ITGA9: variants seen among roughly 807,000 people sequenced by gnomAD.
The protein encoded by ITGA9 is integrin subunit alpha 9.
In ITGA9, 56 loss-of-function variants were observed where a neutral mutation model predicts 127.8. The observed-to-expected ratio is 0.44, with a 90% CI of 0.35 to 0.55. The LOEUF is 0.55. ITGA9 is among the 20% of genes least tolerant of loss of function. The pLI is 0.00. For synonymous variants in ITGA9, 508 were observed against 514.5 expected (o/e 0.99, Z 0.17); for missense variants, 1,196 against 1,347.1 (o/e 0.89, Z 1.76).
At chr3:37,555,464 A>T (rs1699421688) in intron 15 of ITGA9, among the ~76,000 whole-genome samples, 1 of 152,252 alleles carries the variant, frequency 6.6e-6, no homozygotes, top group Non-Finnish European at 1.5e-5. Context: ...AATTAATATA[A>T]ATTCAAACTG....
chr3:37,693,330 G>C (rs1236005403), intron 18 of ITGA9, among the ~76,000 whole-genome samples: 3 of 152,156 alleles, frequency 2.0e-5, no homozygotes, highest in Non-Finnish European at 4.4e-5. Flanking sequence ...AGTATAATTT[G>C]AGTTCCAAAT....
chr3:37,455,954 G>C (rs1212170826), intron 1 of ITGA9, among the ~76,000 whole-genome samples: 1 of 152,156 alleles, frequency 6.6e-6, no homozygotes, highest in African/African-American at 2.4e-5. Context: ...TCCCATAACT[G>C]AGCATTTCTC....
intron 3 of ITGA9, among the ~76,000 whole-genome samples, chr3:37,477,771 T>G (rs569613580): frequency 6.6e-6 from 1 of 152,228 alleles, no homozygotes; most frequent in Non-Finnish European, 1.5e-5. Flanking sequence ...CCCCTTTTCA[T>G]CAGACTTGCC....
At chr3:37,643,512 A>ATT (rs34331410) in intron 16 of ITGA9, among the ~76,000 whole-genome samples, 57,727 of 151,906 alleles carry the variant, frequency 0.38, 11,772 homozygotes, top group African/African-American at 0.53. Context: ...TATTTTTGCA[A>ATT]TTTGTGGGGG....
At chr3:37,615,018 G>A (rs1700060292) in intron 15 of ITGA9, among the ~76,000 whole-genome samples, 1 of 152,200 alleles carries the variant, frequency 6.6e-6, no homozygotes, top group Admixed American at 6.5e-5. Context: ...TAGGAGTGGT[G>A]GGAGAGGGCA....
At chr3:37,676,523 A>T (rs1163158773) in intron 17 of ITGA9, among the ~76,000 whole-genome samples, 1 of 152,222 alleles carries the variant, frequency 6.6e-6, no homozygotes, top group East Asian at 1.9e-4. Context: ...GGCCTGCAGA[A>T]AAAAGCCCTC....
At position 37,779,975 on chromosome 3, in the gene ITGA9, G is replaced by T; in HGVS notation, c.2741G>T (p.Arg914Leu). The change falls in exon 25 of 28, where the codon CGT (arginine) becomes CTT (leucine). Residue 914 changes from arginine (R) to leucine (L), a missense_variant. Physicochemically the swap from Arg to Leu is moderately radical, Grantham distance 102. Transcript: ENST00000264741. The part of the protein sequence containing the change: ...NFSALAKEES[R>L]TIDIYMLLNT... ...AGTGCTCTTGCTAAAGAAGAAAGTCGTACTATAGACATTTACATGCTGCTG... is the reference window on the plus strand; with the variant it reads ...AGTGCTCTTGCTAAAGAAGAAAGTCTTACTATAGACATTTACATGCTGCTG... The T allele has an allele frequency of 6.2e-7, 1 of 1,613,936 alleles. No homozygotes were observed. The highest frequency in any genetic ancestry group is 1.7e-5 in the Admixed American group (1 of 60,018).
At chr3:37,555,618 A>G (rs1699423367) in intron 15 of ITGA9, among the ~76,000 whole-genome samples, 1 of 152,226 alleles carries the variant, frequency 6.6e-6, no homozygotes, top group South Asian at 2.1e-4. Context: ...GGCACTAGTC[A>G]CACAGATCAA....
intron 17 of ITGA9, among the ~76,000 whole-genome samples, chr3:37,664,971 C>CTT (rs34608197): frequency 3.0e-4 from 37 of 122,528 alleles, no homozygotes; most frequent in African/African-American, 1.1e-3. Flanking sequence ...GAGTAGCTGG[C>CTT]TTTTTTTTTT....
intron 18 of ITGA9, among the ~76,000 whole-genome samples, chr3:37,732,272 G>A (rs1025442674): frequency 6.6e-6 from 1 of 152,054 alleles, no homozygotes; most frequent in South Asian, 2.1e-4. Flanking sequence ...CAGGCTTTAG[G>A]AAGAAACCCT....
intron 3 of ITGA9, 102 bp from the exon 4 acceptor site, chr3:37,481,382 C>T (rs1698552779): frequency 6.7e-7 from 1 of 1,499,294 alleles, no homozygotes. Context: ...CCCTCTGCTC[C>T]TCTCTTCTCC....
chr3:37,711,494 C>G (rs552531825), intron 18 of ITGA9, among the ~76,000 whole-genome samples: 1 of 152,354 alleles, frequency 6.6e-6, no homozygotes, highest in East Asian at 1.9e-4. Flanking sequence ...ACCTTGAACT[C>G]TTGGGCTCAA....
intron 15 of ITGA9, among the ~76,000 whole-genome samples, chr3:37,598,356 C>G (rs1699887411): frequency 1.3e-5 from 2 of 152,030 alleles, no homozygotes; most frequent in African/African-American, 4.8e-5. Flanking sequence ...CCTCTCTGCC[C>G]TGGGGGAGGG....
intron 19 of ITGA9, among the ~76,000 whole-genome samples, chr3:37,735,670 T>A (rs1189145593): frequency 6.6e-6 from 1 of 152,232 alleles, no homozygotes; most frequent in Non-Finnish European, 1.5e-5. Context: ...CTGTGACCCC[T>A]ACCCAAGGGT....
rs1697506740 is a variant in ITGA9, at chr3:37,820,932, T to G, written c.*1943T>G. 6.6e-6 allele frequency: 1 copy of G among 152,200 alleles called. No individual in the cohort carries two copies. Among genetic ancestry groups the G allele is most frequent in the Non-Finnish European group, 1.5e-5 (1 of 68,038 alleles). 9.4% of individuals were successfully genotyped at this position (152,200 alleles called of 1,614,324 possible). A position where few individuals can be genotyped will look rare whatever the true frequency, so the allele number is the denominator to read the frequency against. ...AAACTCAACTTCTGGGAAGACAGAT[T>G]TTTAATACACATACTTGGCTAATAC... On this transcript the variant is annotated 3_prime_UTR_variant, in exon 28 of 28. Coordinates refer to ENST00000264741, the MANE Select transcript of ITGA9 (RefSeq NM_002207.3).
intron 5 of ITGA9, among the ~76,000 whole-genome samples, chr3:37,500,505 G>T (rs1420144876): frequency 6.6e-6 from 1 of 152,154 alleles, no homozygotes; most frequent in Non-Finnish European, 1.5e-5. Context: ...CCTTTGTTAA[G>T]GCTCTTCCCC....
At chr3:37,671,392 A>G (rs1575187346) in intron 17 of ITGA9, among the ~76,000 whole-genome samples, 2 of 152,360 alleles carry the variant, frequency 1.3e-5, no homozygotes, top group East Asian at 3.9e-4. Context: ...CCTTGTTAGA[A>G]AGAGGATGGC....
At chr3:37,818,842 T>C in intron 27 of ITGA9, 49 bp from the exon 28 acceptor site, 3 of 1,435,660 alleles carry the variant, frequency 2.1e-6, no homozygotes, top group Non-Finnish European at 2.9e-6. Flanking sequence ...TCACAATGGC[T>C]GATTCTTCAG....
chr3:37,481,910 G>A (rs1364387942), intron 4 of ITGA9, among the ~76,000 whole-genome samples: 2 of 152,228 alleles, frequency 1.3e-5, no homozygotes, highest in African/African-American at 4.8e-5. Flanking sequence ...TCAGCCAAGT[G>A]ACCTAACAGC....
Sources: gnomAD v4.1 joint callset for allele counts (sites outside exome capture counted in the v4.1 genomes callset) on GRCh38, gnomAD v4.1.1 for gene constraint, MANE v1.5 for transcripts, NCBI Gene and HGNC (gene_info 2026-07-23, HGNC 2026-07-21) for gene names.